Variants in KIF3A observed in about 807,000 individuals in gnomAD.
KIF3A encodes kinesin-like protein KIF3A.
Under a neutral mutation model 92.6 loss-of-function variants are expected in KIF3A, and 27 were observed. The ratio of observed to expected loss-of-function variants is 0.29; its 90% CI spans 0.21 to 0.40. The LOEUF (loss-of-function observed/expected upper bound fraction) is 0.40, where lower values mean the gene tolerates loss of function less well. Ranked by LOEUF, KIF3A falls within the 10% of genes least tolerant of loss-of-function variation. The pLI, the probability that KIF3A is intolerant of heterozygous loss-of-function variation, is 1.00. For missense variants in KIF3A, 581 were observed against 872.6 expected (o/e 0.67, Z 4.21); for synonymous variants, 250 against 275.4 (o/e 0.91, Z 0.92).
In KIF3A at chr5:132,693,856, C is replaced by G. The variant is rs1581055138; in HGVS notation, c.*2778G>C. On this transcript the variant is annotated 3_prime_UTR_variant, in exon 19 of 19. Coordinates refer to ENST00000403231, the MANE Select transcript of KIF3A (RefSeq NM_001300791.2). ...ATTAGCTGGGTGTGGTGGCGCAAACCTGTAATCCCAGCTACTCAAGAGGCT... is the reference window on the plus strand; with the variant it reads ...ATTAGCTGGGTGTGGTGGCGCAAACGTGTAATCCCAGCTACTCAAGAGGCT... 2 of 151,958 alleles carry G rather than the reference C, an allele frequency of 1.3e-5. No individual in the cohort carries two copies. Among genetic ancestry groups the G allele is most frequent in the South Asian group, 4.2e-4 (2 of 4,810 alleles). The allele number at this position is 151,958 out of a possible 1,614,324, so 9.4% of individuals were successfully genotyped here. A position where few individuals can be genotyped will look rare whatever the true frequency, so the allele number is the denominator to read the frequency against.
At chr5:132,717,074 T>G (rs1753650288) in intron 5 of KIF3A, 90 bp from the exon 6 acceptor site, 7 of 1,267,694 alleles carry the variant, frequency 5.5e-6, no homozygotes, top group Non-Finnish European at 7.7e-6. Flanking sequence ...AACACTTAAT[T>G]TTATCACAAT....
intron 11 of KIF3A, among the ~76,000 whole-genome samples, chr5:132,704,574 T>G (rs1358290768): frequency 6.6e-6 from 1 of 151,968 alleles, no homozygotes; most frequent in African/African-American, 2.4e-5. Flanking sequence ...AAAACTAGCT[T>G]ATTAAACTGG....
chr5:132,703,686 C>T (rs1753120293), intron 11 of KIF3A, 67 bp from the exon 12 acceptor site: 4 of 1,174,026 alleles, frequency 3.4e-6, no homozygotes, highest in Non-Finnish European at 4.8e-6. Flanking sequence ...TATAAATTAC[C>T]TCCTTCAATA....
At chr5:132,736,958 C>A in intron 1 of KIF3A, 1 of 315,718 alleles carries the variant, frequency 3.2e-6, no homozygotes, top group South Asian at 2.8e-5. Flanking sequence ...CAGCTCAAGG[C>A]TAGGAGACTC....
chr5:132,702,874 A>G lies in KIF3A; in HGVS notation c.1647+11T>C. On this transcript the variant is annotated intron_variant, in intron 13 of 18. Coordinates refer to ENST00000403231, the MANE Select transcript of KIF3A (RefSeq NM_001300791.2). ...GCAAAATACCAAACTAAAAACAGAA[A>G]GTCACATTACCTCTTTTTCCTCAAG... 1.2e-6 allele frequency: 2 copies of G among 1,609,590 alleles called. No individual in the cohort carries two copies. Among genetic ancestry groups the G allele is most frequent in the Middle Eastern group, 1.7e-4 (1 of 6,052 alleles).
rs750908195 is a variant in KIF3A, at chr5:132,708,927, G to C, written c.1280C>G (p.Pro427Arg). Residue 427 changes from proline (P) to arginine (R), a missense_variant, in exon 10 of 19, where the codon CCT becomes CGT. Around this residue, in one of 5 missense-constraint regions of KIF3A, gnomAD observed 167 missense variants for 205.8 expected, o/e 0.81. Transcript: ENST00000403231. Reference protein sequence around the residue: ...SDSTCSVIEKPLDKFLPNQAG... With the variant: ...SDSTCSVIEKRLDKFLPNQAG... ...CTCACTAGGCAAGAACTTATCCAGAGGTTTCTCTATGACAGAACATGTGGA... is the reference window on the plus strand; with the variant it reads ...CTCACTAGGCAAGAACTTATCCAGACGTTTCTCTATGACAGAACATGTGGA... 2.2e-4 allele frequency: 341 copies of C among 1,550,002 alleles called. No individual in the cohort carries two copies. Among genetic ancestry groups the C allele is most frequent in the Non-Finnish European group, 2.8e-4 (319 of 1,146,652 alleles).
chr5:132,734,576 G>A (rs1754332618), intron 1 of KIF3A, 98 bp from the exon 2 acceptor site: 1 of 1,061,376 alleles, frequency 9.4e-7, no homozygotes. Context: ...TTCCAACTCA[G>A]TGCCTTGCAC....
chr5:132,712,661 A>T (rs1036139718), intron 8 of KIF3A, among the ~76,000 whole-genome samples: 3 of 152,246 alleles, frequency 2.0e-5, no homozygotes, highest in African/African-American at 7.2e-5. Context: ...TATCCCCCAC[A>T]AGATACATGT....
intron 2 of KIF3A, among the ~76,000 whole-genome samples, chr5:132,732,394 T>G (rs1581102930): frequency 6.6e-6 from 1 of 152,306 alleles, no homozygotes; most frequent in Admixed American, 6.5e-5. Context: ...CTGTAATAGC[T>G]AAAAAGTAGA....
At chr5:132,719,775 A>G (rs1753764915) in intron 5 of KIF3A, among the ~76,000 whole-genome samples, 1 of 151,906 alleles carries the variant, frequency 6.6e-6, no homozygotes, top group Non-Finnish European at 1.5e-5. Context: ...AGCCACCGCG[A>G]CCAGACTTTT....
intron 9 of KIF3A, 79 bp from the exon 10 acceptor site, chr5:132,709,057 TC>T: frequency 8.7e-7 from 1 of 1,147,886 alleles, no homozygotes; most frequent in Non-Finnish European, 1.2e-6. Flanking sequence ...AGAGAAAAAT[TC>T]AGTTTTCAGA....
intron 15 of KIF3A, among the ~76,000 whole-genome samples, chr5:132,701,496 C>G (rs1753035411): frequency 1.3e-5 from 1 of 78,594 alleles, no homozygotes; most frequent in Admixed American, 1.4e-4. Context: ...GACTCTGTCT[C>G]CCTGACAAAA....
intron 10 of KIF3A, among the ~76,000 whole-genome samples, chr5:132,708,398 G>A (rs1339846584): frequency 6.6e-6 from 1 of 151,714 alleles, no homozygotes; most frequent in Admixed American, 6.6e-5. Context: ...CTTGCTTCAA[G>A]CTTTATGTTT....
chr5:132,735,219 C>A (rs1182749733), intron 1 of KIF3A, among the ~76,000 whole-genome samples: 1 of 152,088 alleles, frequency 6.6e-6, no homozygotes, highest in East Asian at 1.9e-4. Context: ...GGATTACAGG[C>A]GTCCATCACC....
At chr5:132,699,897 G>A (rs1182232137) in intron 17 of KIF3A, among the ~76,000 whole-genome samples, 1 of 152,040 alleles carries the variant, frequency 6.6e-6, no homozygotes, top group Non-Finnish European at 1.5e-5. Context: ...ACTAGAACTA[G>A]CTTTGAAGAG....
intron 11 of KIF3A, among the ~76,000 whole-genome samples, chr5:132,705,590 C>G (rs1467821610): frequency 6.6e-6 from 1 of 151,944 alleles, no homozygotes; most frequent in African/African-American, 2.4e-5. Flanking sequence ...AATTTAAAAC[C>G]ATTCAGGTAT....
intron 15 of KIF3A, among the ~76,000 whole-genome samples, chr5:132,701,819 T>C (rs542037599): frequency 6.6e-6 from 1 of 152,130 alleles, no homozygotes; most frequent in Non-Finnish European, 1.5e-5. Flanking sequence ...ATTCTACTTG[T>C]ATGATAATGG....
At chr5:132,691,010 T>G (rs1477686785), downstream of KIF3A, among the ~76,000 whole-genome samples, 1 of 152,208 alleles carries the variant, frequency 6.6e-6, no homozygotes, top group Non-Finnish European at 1.5e-5. Context: ...TTGAAGTTCT[T>G]AAGCCTGCCA....
At chr5:132,701,131 CAAAA>C (rs56411849) in intron 15 of KIF3A, among the ~76,000 whole-genome samples, 1 of 142,716 alleles carries the variant, frequency 7.0e-6, no homozygotes, top group Non-Finnish European at 1.5e-5. Context: ...ACCTGAGGTC[CAAAA>C]AAAAAAAAAA....
Sources: gnomAD v4.1 joint callset for allele counts (sites outside exome capture counted in the v4.1 genomes callset) on GRCh38, gnomAD v4.1.1 for gene constraint, gnomAD v4.1.1 regional missense constraint, MANE v1.5 for transcripts, NCBI Gene and HGNC (gene_info 2026-07-23, HGNC 2026-07-21) for gene names.